The following REC114 variants were observed in gnomAD, a reference collection of about 807,000 sequenced individuals.
REC114 encodes the protein REC114 meiotic recombination protein.
Under a neutral mutation model 31.3 loss-of-function variants are expected in REC114, and 27 were observed. The ratio of observed to expected loss-of-function variants is 0.86; its 90% CI spans 0.64 to 1.19. The LOEUF is 1.19. REC114 is among the 50% of genes most tolerant of loss of function. The pLI is 0.00. For missense variants in REC114, 344 were observed against 326.9 expected (o/e 1.05, Z -0.40); for synonymous variants, 134 against 127.7 (o/e 1.05, Z -0.33).
intron 3 of REC114, among the ~76,000 whole-genome samples, chr15:73,547,710 C>T (rs1016856670): frequency 2.0e-5 from 3 of 152,102 alleles, no homozygotes; most frequent in Non-Finnish European, 2.9e-5. Context: ...ACTATTCAGC[C>T]ATAAAATAGC....
intron 3 of REC114, among the ~76,000 whole-genome samples, chr15:73,543,132 G>A (rs1348990690): frequency 6.6e-6 from 1 of 152,042 alleles, no homozygotes; most frequent in African/African-American, 2.4e-5. Context: ...TGCATTTCTT[G>A]TTAAAACTGA....
intron 2 of REC114, among the ~76,000 whole-genome samples, chr15:73,539,457 CTTTTTTTT>C (rs58815458): frequency 6.7e-5 from 7 of 104,314 alleles, no homozygotes; most frequent in Admixed American, 9.9e-5. Flanking sequence ...CGCCCGGCTA[CTTTTTTTT>C]TTTTTTTTTT....
chr15:73,498,428 C>T (rs1893557771), intron 2 of REC114, among the ~76,000 whole-genome samples: 1 of 151,916 alleles, frequency 6.6e-6, no homozygotes, highest in African/African-American at 2.4e-5. Context: ...AGTTTTATTT[C>T]TTCCTGTCAC....
At chr15:73,502,125 A>C (rs1893611189) in intron 2 of REC114, among the ~76,000 whole-genome samples, 1 of 148,484 alleles carries the variant, frequency 6.7e-6, no homozygotes, top group Non-Finnish European at 1.5e-5. Context: ...ACTGCACTCC[A>C]GCCTGGGCAA....
chr15:73,521,641 G>A (rs1893936823), intron 2 of REC114, among the ~76,000 whole-genome samples: 1 of 151,986 alleles, frequency 6.6e-6, no homozygotes, highest in Non-Finnish European at 1.5e-5. Flanking sequence ...AATGAAAAGG[G>A]GGATATCACT....
intron 2 of REC114, among the ~76,000 whole-genome samples, chr15:73,523,168 C>A (rs1893959543): frequency 6.6e-6 from 1 of 151,972 alleles, no homozygotes; most frequent in African/African-American, 2.4e-5. Flanking sequence ...AGTCCTTCAT[C>A]AGATATGTGA....
At chr15:73,522,544 C>T (rs985274049) in intron 2 of REC114, among the ~76,000 whole-genome samples, 1 of 152,090 alleles carries the variant, frequency 6.6e-6, no homozygotes, top group Non-Finnish European at 1.5e-5. Flanking sequence ...TCTGTATTAA[C>T]TCTTTTGTGT....
intron 2 of REC114, among the ~76,000 whole-genome samples, chr15:73,531,645 A>C (rs1376866355): frequency 6.6e-6 from 1 of 152,176 alleles, no homozygotes; most frequent in Non-Finnish European, 1.5e-5. Context: ...GCCCTCTTTC[A>C]TTCAACAGAC....
At chr15:73,457,267 G>A (rs11635553) in intron 1 of REC114, among the ~76,000 whole-genome samples, 3,819 of 152,140 alleles carry the variant, frequency 0.025, 95 homozygotes, top group African/African-American at 0.06. Context: ...TCCCTGTCCT[G>A]TGTGAGCTCT....
intron 2 of REC114, among the ~76,000 whole-genome samples, chr15:73,513,685 TC>T (rs1435357911): frequency 1.3e-5 from 2 of 152,006 alleles, no homozygotes; most frequent in Non-Finnish European, 2.9e-5. Flanking sequence ...CAGCTGCAGG[TC>T]TGTTGGAATA....
Position 73,504,600 on chromosome 15 carries a change from A to C in REC114, c.249+30679A>C, listed in dbSNP as rs553580800. Among the ~76,000 whole-genome samples, 20 of 152,182 alleles carry C rather than the reference A, an allele frequency of 1.3e-4. No individual in the cohort carries two copies. The East Asian group carries it at 3.7e-3, about 28-fold the overall frequency. Reference sequence around the variant, plus strand: ...TTTCTTTAGGAGTAGTTATAGATTTATGCTGCTTTGGCTTTGCTTCTCTTC... The same window carrying C: ...TTTCTTTAGGAGTAGTTATAGATTTCTGCTGCTTTGGCTTTGCTTCTCTTC... On this transcript the variant is annotated intron_variant, in intron 2 of 5. Coordinates refer to ENST00000331090, the MANE Select transcript of REC114 (RefSeq NM_001042367.2).
intron 2 of REC114, among the ~76,000 whole-genome samples, chr15:73,539,031 T>G (rs1894202484): frequency 6.6e-6 from 1 of 152,076 alleles, no homozygotes; most frequent in Non-Finnish European, 1.5e-5. Flanking sequence ...AATTTTGATA[T>G]TGCCAAATTG....
chr15:73,516,581 A>T (rs1283153158), intron 2 of REC114, among the ~76,000 whole-genome samples: 1 of 152,158 alleles, frequency 6.6e-6, no homozygotes, highest in East Asian at 1.9e-4. Flanking sequence ...GCGGTACTCC[A>T]TGCTATGAAG....
intron 2 of REC114, among the ~76,000 whole-genome samples, chr15:73,507,997 C>G (rs888295567): frequency 6.6e-6 from 1 of 152,136 alleles, no homozygotes; most frequent in Admixed American, 6.5e-5. Flanking sequence ...AGGTTAGCGC[C>G]ATTTTTGGTG....
chr15:73,484,734 G>A (rs1331358685), intron 2 of REC114, among the ~76,000 whole-genome samples: 1 of 152,202 alleles, frequency 6.6e-6, no homozygotes, highest in Non-Finnish European at 1.5e-5. Flanking sequence ...GGTCCAGCAT[G>A]AGTGTCTTTA....
intron 2 of REC114, among the ~76,000 whole-genome samples, chr15:73,529,613 T>C (rs912775078): frequency 1.1e-4 from 17 of 152,202 alleles, no homozygotes; most frequent in Admixed American, 1.1e-3. Context: ...ATCACACTGT[T>C]TTACTATTTT....
Position 73,510,899 on chromosome 15 carries a change from AT to A in REC114, c.250-29584del, listed in dbSNP as rs1220656762. On this transcript the variant is annotated intron_variant, in intron 2 of 5. Coordinates refer to ENST00000331090, the MANE Select transcript of REC114 (RefSeq NM_001042367.2). ...TGTTCATCAAAGATATTGGTCTAAAATTCTCTTTTTTGGTTGTGTCTCTGCC... is the reference window on the plus strand; with the variant it reads ...TGTTCATCAAAGATATTGGTCTAAAATCTCTTTTTTGGTTGTGTCTCTGCC... 1.8e-3 allele frequency among the ~76,000 whole-genome samples: 270 copies of A among 152,294 alleles called. 2 individuals are homozygous for A. The highest frequency in any genetic ancestry group is 5.3e-3 in the African/African-American group (220 of 41,548).
intron 2 of REC114, among the ~76,000 whole-genome samples, chr15:73,505,332 G>C (rs1203439435): frequency 1.3e-5 from 2 of 152,110 alleles, no homozygotes; most frequent in Admixed American, 1.3e-4. Context: ...GCTCTACCAT[G>C]TGTACTCAAC....
intron 2 of REC114, among the ~76,000 whole-genome samples, chr15:73,480,921 A>G (rs1297891927): frequency 1.3e-5 from 2 of 152,082 alleles, no homozygotes. Context: ...CAGGTGATTC[A>G]CCCACCTTGG....
Sources: gnomAD v4.1 joint callset for allele counts (sites outside exome capture counted in the v4.1 genomes callset) on GRCh38, gnomAD v4.1.1 for gene constraint, MANE v1.5 for transcripts, NCBI Gene and HGNC (gene_info 2026-07-23, HGNC 2026-07-21) for gene names.